Variants in COL4A2 observed in about 807,000 individuals in gnomAD.
The protein encoded by COL4A2 is collagen type IV alpha 2 chain, also known as collagen alpha-2(IV) chain.
In COL4A2, 99 loss-of-function variants were observed where a neutral mutation model predicts 200.2. That is an observed-to-expected ratio of 0.49 (90% CI 0.42 to 0.58). The LOEUF (loss-of-function observed/expected upper bound fraction) is 0.58, where lower values mean the gene tolerates loss of function less well. Among genes scored for constraint, COL4A2 ranks in the 20% least tolerant of loss-of-function variants. The pLI is 0.00. For missense variants in COL4A2, 1,950 were observed against 2,314.1 expected, an observed-to-expected ratio of 0.84 and a Z score of 3.23; for synonymous variants, 897 against 900.6, an observed-to-expected ratio of 1.00 and a Z score of 0.07.
At chr13:110,361,017 C>G (rs1363715496) in intron 4 of COL4A2, among the ~76,000 whole-genome samples, 1 of 152,236 alleles carries the variant, frequency 6.6e-6, no homozygotes, top group African/African-American at 2.4e-5. Flanking sequence ...CCTGAACATT[C>G]ACTGATAAAG....
intron 4 of COL4A2, among the ~76,000 whole-genome samples, chr13:110,379,677 G>A (rs1046074333): frequency 2.6e-5 from 4 of 152,116 alleles, no homozygotes; most frequent in African/African-American, 4.8e-5. Flanking sequence ...ACCCCCATTC[G>A]GAAGTGCGGG....
intron 36 of COL4A2, 43 bp downstream of exon 36, chr13:110,489,828 C>A: frequency 6.4e-7 from 1 of 1,568,934 alleles, no homozygotes; most frequent in Non-Finnish European, 8.6e-7. Flanking sequence ...AACAACAGCC[C>A]TGAGCCTTTG....
intron 4 of COL4A2, among the ~76,000 whole-genome samples, chr13:110,408,155 G>C (rs1879641952): frequency 6.6e-6 from 1 of 152,134 alleles, no homozygotes; most frequent in Non-Finnish European, 1.5e-5. Context: ...GAGGAGTGAG[G>C]GGAAACGCAG....
intron 11 of COL4A2, among the ~76,000 whole-genome samples, chr13:110,432,935 G>A (rs1412125749): frequency 6.6e-6 from 1 of 152,236 alleles, no homozygotes; most frequent in Non-Finnish European, 1.5e-5. Flanking sequence ...ACAGAACTAG[G>A]GTTCCTTATT....
intron 32 of COL4A2, among the ~76,000 whole-genome samples, chr13:110,482,973 G>A (rs1426043391): frequency 6.6e-6 from 1 of 152,168 alleles, no homozygotes; most frequent in African/African-American, 2.4e-5. Flanking sequence ...ACATGAAGAG[G>A]GGGCGGTGAA....
intron 3 of COL4A2, among the ~76,000 whole-genome samples, chr13:110,356,622 G>A (rs10161785): frequency 0.74 from 113,277 of 152,112 alleles, 43,763 homozygotes; most frequent in Non-Finnish European, 0.86. Context: ...CAGAAGGCAG[G>A]GCTGCTGCCC....
intron 3 of COL4A2, among the ~76,000 whole-genome samples, chr13:110,342,411 A>G (rs1278268664): frequency 3.9e-5 from 6 of 152,180 alleles, no homozygotes; most frequent in African/African-American, 9.7e-5. Flanking sequence ...TCCTTGAACA[A>G]TAACAGTGTT....
At chr13:110,481,632 A>G (rs1376158378) in intron 31 of COL4A2, among the ~76,000 whole-genome samples, 178 of 111,366 alleles carry the variant, frequency 1.6e-3, no homozygotes, top group African/African-American at 6.3e-3. Context: ...GTTGCTGGAG[A>G]CACACTGTTC....
intron 3 of COL4A2, among the ~76,000 whole-genome samples, 187 bp from the exon 4 acceptor site, chr13:110,357,285 C>T (rs1172316029): frequency 6.6e-6 from 1 of 152,140 alleles, no homozygotes. Flanking sequence ...CTGGACCTTA[C>T]ACTCGATTTT....
rs559825096 is a variant in COL4A2 at position 110,450,685 on chromosome 13, C to T, written c.1339+231C>T. Among the ~76,000 whole-genome samples, 3 of 152,278 alleles carry T rather than the reference C, an allele frequency of 2.0e-5. No individual in the cohort carries two copies. In the South Asian group the frequency reaches 6.2e-4, roughly 32 times the overall value. ...CCCTGTAAGCCTGTGAGTATCACAG[C>T]CCCGTGGATGCCACACAGTGAGGTT... is the stretch of plus-strand genomic sequence containing the variant. On this transcript the variant is annotated intron_variant, in intron 20 of 47. Transcript: ENST00000360467.
intron 36 of COL4A2, 104 bp downstream of exon 36, chr13:110,489,889 C>T (rs543202319): frequency 8.1e-7 from 1 of 1,239,314 alleles, no homozygotes; most frequent in South Asian, 1.5e-5. Context: ...AACCAGAAAG[C>T]ACTTGATAGT....
intron 21 of COL4A2, chr13:110,457,755 G>A (rs1024264557): frequency 4.3e-5 from 22 of 506,480 alleles, no homozygotes; most frequent in African/African-American, 3.9e-4. Context: ...TTCTTAGGCT[G>A]CACTCAGGTA....
At chr13:110,471,567 T>C (rs1340290970) in intron 28 of COL4A2, among the ~76,000 whole-genome samples, 3 of 152,222 alleles carry the variant, frequency 2.0e-5, no homozygotes, top group African/African-American at 7.2e-5. Flanking sequence ...TGGGTACAGT[T>C]TGTAACATTG....
At chr13:110,348,404 T>C (rs1435803591) in intron 3 of COL4A2, among the ~76,000 whole-genome samples, 1 of 152,210 alleles carries the variant, frequency 6.6e-6, no homozygotes, top group East Asian at 1.9e-4. Flanking sequence ...TGCTGGGTGG[T>C]ACAACTGTGA....
chr13:110,360,796 AC>A (rs1877480006), intron 4 of COL4A2, among the ~76,000 whole-genome samples: 1 of 139,728 alleles, frequency 7.2e-6, no homozygotes, highest in African/African-American at 2.6e-5. Flanking sequence ...CCCGCCCCCC[AC>A]CCCGGGGCCT....
At chr13:110,491,381 C>G (rs766779564) in intron 37 of COL4A2, 41 bp downstream of exon 37, 48 of 1,312,350 alleles carry the variant, frequency 3.7e-5, no homozygotes, top group Non-Finnish European at 5.4e-6. Context: ...TCAGGCAGGC[C>G]CTCCGGAGAC....
chr13:110,447,799 T>A (rs1394804198), intron 18 of COL4A2, among the ~76,000 whole-genome samples: 2 of 152,200 alleles, frequency 1.3e-5, no homozygotes, highest in African/African-American at 2.4e-5. Context: ...TAGGGTTTTT[T>A]AAATACAGAC....
At chr13:110,443,593 G>C (rs1357176972) in intron 16 of COL4A2, among the ~76,000 whole-genome samples, 1 of 152,196 alleles carries the variant, frequency 6.6e-6, no homozygotes, top group Non-Finnish European at 1.5e-5. Flanking sequence ...ATTTGGGGGA[G>C]GGCCGGGGAG....
chr13:110,512,255 C>A lies in COL4A2; in HGVS notation c.*64C>A. The A allele has an allele frequency of 6.7e-7, 1 of 1,501,712 alleles. No individual in the cohort carries two copies. The highest frequency in any genetic ancestry group is 1.4e-5 in the African/African-American group (1 of 69,042). The allele number at this position is 1,501,712 out of a possible 1,614,324, so 93.0% of individuals were successfully genotyped here. On this transcript the variant is annotated 3_prime_UTR_variant, in exon 48 of 48. Coordinates refer to ENST00000360467, the MANE Select transcript of COL4A2 (RefSeq NM_001846.4). The stretch of plus-strand genomic sequence containing the variant: ...CTTAACTTATTACCTCAGGTGCCAA[C>A]CCAAAAATTGGTTTTATTTTTTTCT...
Sources: gnomAD v4.1 joint callset for allele counts (sites outside exome capture counted in the v4.1 genomes callset) on GRCh38, gnomAD v4.1.1 for gene constraint, MANE v1.5 for transcripts, NCBI Gene and HGNC (gene_info 2026-07-23, HGNC 2026-07-21) for gene names.